The following DYNLT2 variants were observed in gnomAD, a reference collection of about 807,000 sequenced individuals.
The protein encoded by DYNLT2 is dynein light chain Tctex-type 2, also known as dynein light chain Tctex-type protein 2.
In DYNLT2, 24 loss-of-function variants were observed where a neutral mutation model predicts 24.3. The observed-to-expected ratio is 0.99, with a 90% CI of 0.71 to 1.39. DYNLT2 has a LOEUF of 1.39. Ranked by LOEUF, DYNLT2 falls within the 40% of genes most tolerant of loss-of-function variation. The probability of loss-of-function intolerance (pLI) is 0.00; values close to 1 mark genes in which losing one functional copy is unlikely to be tolerated. For synonymous variants in DYNLT2, 85 were observed against 85.4 expected, an observed-to-expected ratio of 1.00 and a Z score of 0.03; for missense variants, 246 against 234.5, an observed-to-expected ratio of 1.05 and a Z score of -0.32.
At chr6:169,748,012 T>C (rs982016791) in intron 1 of DYNLT2, among the ~76,000 whole-genome samples, 1 of 152,226 alleles carries the variant, frequency 6.6e-6, no homozygotes, top group Admixed American at 6.5e-5. Flanking sequence ...TTCCCACTAC[T>C]GAGGCAATAC....
At chr6:169,729,178 T>A in the DYNLT2 span, among the ~76,000 whole-genome samples, 2 of 152,240 alleles carry the variant, frequency 1.3e-5, no homozygotes, top group African/African-American at 4.8e-5. Context: ...AAAAAGTCTT[T>A]ATATCGGCCA....
At chr6:169,737,262 G>A (rs1789580765), downstream of DYNLT2, among the ~76,000 whole-genome samples, 1 of 152,146 alleles carries the variant, frequency 6.6e-6, no homozygotes, top group Admixed American at 6.5e-5. Context: ...GTTAGAACAT[G>A]CTCCATTAGT....
chr6:169,749,393 C>A (rs193239788), intron 1 of DYNLT2: 4 of 152,236 alleles, frequency 2.6e-5, no homozygotes, highest in African/African-American at 9.6e-5. Context: ...GCCACTGCAC[C>A]CGGCTGTATT....
intron 3 of DYNLT2, among the ~76,000 whole-genome samples, chr6:169,741,592 C>G (rs1330080782): frequency 6.6e-6 from 1 of 152,132 alleles, no homozygotes; most frequent in African/African-American, 2.4e-5. Flanking sequence ...GAAACATTCC[C>G]CCACTGCACA....
At chr6:169,750,276 T>A (rs1789943820) in intron 1 of DYNLT2, 2 of 152,212 alleles carry the variant, frequency 1.3e-5, no homozygotes, top group South Asian at 4.1e-4. Flanking sequence ...TTACTCAGAC[T>A]CATTGCCAAG....
downstream of DYNLT2, chr6:169,739,993 G>C (rs556568716): frequency 3.7e-4 from 196 of 528,420 alleles, no homozygotes; most frequent in Non-Finnish European, 5.5e-4. Flanking sequence ...ATAATATTAT[G>C]TTAGTTAATA....
intron 1 of DYNLT2, chr6:169,750,842 T>C (rs1789996981): frequency 6.6e-6 from 1 of 152,426 alleles, no homozygotes; most frequent in African/African-American, 2.4e-5. Flanking sequence ...TTAAGTTTTT[T>C]TCTCCTGTAC....
At chr6:169,732,592 T>C in the DYNLT2 span, among the ~76,000 whole-genome samples, 13 of 152,362 alleles carry the variant, frequency 8.5e-5, no homozygotes, top group South Asian at 2.5e-3. Context: ...GCTTCATCCA[T>C]GTCCCTGCAA....
At chr6:169,732,391 G>A in the DYNLT2 span, among the ~76,000 whole-genome samples, 9 of 152,098 alleles carry the variant, frequency 5.9e-5, no homozygotes, top group Admixed American at 6.5e-5. Context: ...TACATGTGCC[G>A]TGGTGGTTTG....
At chr6:169,728,981 T>C in the DYNLT2 span, among the ~76,000 whole-genome samples, 1 of 152,206 alleles carries the variant, frequency 6.6e-6, no homozygotes, top group African/African-American at 2.4e-5. Context: ...CACTTTAATC[T>C]CTTAACATTA....
At chr6:169,736,142 G>GTTTT (rs59505534), downstream of DYNLT2, among the ~76,000 whole-genome samples, 1 of 142,978 alleles carries the variant, frequency 7.0e-6, no homozygotes, top group African/African-American at 2.5e-5. Flanking sequence ...TTTTTTGTTT[G>GTTTT]TTTTTTTTTT....
At chr6:169,748,731 CATT>C (rs1206691646) in intron 1 of DYNLT2, among the ~76,000 whole-genome samples, 1 of 152,158 alleles carries the variant, frequency 6.6e-6, no homozygotes. Flanking sequence ...TACATAGTAT[CATT>C]AACAGCGGCT....
chr6:169,739,974 T>C (rs2128335112), downstream of DYNLT2: 2 of 496,562 alleles, frequency 4.0e-6, no homozygotes, highest in East Asian at 6.3e-5. Context: ...CCTTTTATAC[T>C]ACTTTGGCAT....
In DYNLT2 at chr6:169,751,549, C is replaced by T; in HGVS notation, c.-91G>A. ...GTCCCGCGAGGGCGGAAGTCTCCCA[C>T]CTGCGCCTCGTACGGTAGGAAGTGC... On this transcript the variant is annotated 5_prime_UTR_variant, in exon 1 of 4. It adds an upstream start codon to the 5' untranslated region. Transcript: ENST00000366774. 6 of 1,610,842 alleles carry T rather than the reference C, an allele frequency of 3.7e-6. No individual in the cohort carries two copies. The highest frequency in any genetic ancestry group is 2.2e-5 in the East Asian group (1 of 44,822).
intron 1 of DYNLT2, among the ~76,000 whole-genome samples, chr6:169,748,585 A>C (rs1485558134): frequency 6.6e-6 from 1 of 152,100 alleles, no homozygotes; most frequent in Non-Finnish European, 1.5e-5. Flanking sequence ...GTGTCTCTTA[A>C]CTGCAAAAGC....
chr6:169,744,621 TA>T (rs1789753668), intron 1 of DYNLT2, among the ~76,000 whole-genome samples: 1 of 152,184 alleles, frequency 6.6e-6, no homozygotes, highest in Non-Finnish European at 1.5e-5. Context: ...GGGATGGAGA[TA>T]TAGGGAAAAC....
the DYNLT2 span, chr6:169,725,661 C>CA: frequency 4.9e-4 from 97 of 195,986 alleles, no homozygotes; most frequent in Middle Eastern, 1.7e-3. Context: ...AAAACAAAAA[C>CA]AAAAAAAAAC....
At chr6:169,730,570 T>C in the DYNLT2 span, among the ~76,000 whole-genome samples, 2 of 152,246 alleles carry the variant, frequency 1.3e-5, no homozygotes, top group East Asian at 1.9e-4. Context: ...GAAGAGAGGT[T>C]GGGAATATAG....
chr6:169,725,633 G>GTT, the DYNLT2 span: 29,060 of 224,774 alleles, frequency 0.13, 2,577 homozygotes, highest in African/African-American at 0.25. Flanking sequence ...GAGTTTAGCG[G>GTT]TTTTTTTTTT....
Sources: allele counts gnomAD v4.1 joint callset (sites outside exome capture counted in the v4.1 genomes callset), GRCh38; gene constraint gnomAD v4.1.1; transcripts MANE v1.5; gene names NCBI Gene and HGNC (gene_info 2026-07-23, HGNC 2026-07-21).